Variants in GRM8 observed in about 807,000 individuals in gnomAD.
GRM8 encodes the protein metabotropic glutamate receptor 8.
Under a neutral mutation model 87.2 loss-of-function variants are expected in GRM8, and 47 were observed. The ratio of observed to expected loss-of-function variants is 0.54; its 90% CI spans 0.43 to 0.69. GRM8 has a LOEUF of 0.69. GRM8 is among the 30% of genes least tolerant of loss of function. The pLI, the probability that GRM8 is intolerant of heterozygous loss-of-function variation, is 0.00. For missense variants in GRM8, 1,019 were observed against 1,139.2 expected (o/e 0.89, Z 1.52); for synonymous variants, 396 against 404.5 (o/e 0.98, Z 0.25).
intron 3 of GRM8, among the ~76,000 whole-genome samples, chr7:126,932,867 T>C (rs142154962): frequency 6.6e-6 from 1 of 152,116 alleles, no homozygotes; most frequent in Non-Finnish European, 1.5e-5. Flanking sequence ...AAGAGAGAGA[T>C]AGATGGATTC....
intron 3 of GRM8, among the ~76,000 whole-genome samples, chr7:126,990,675 C>A (rs184587961): frequency 1.2e-3 from 180 of 152,272 alleles, no homozygotes; most frequent in Non-Finnish European, 1.0e-3. Context: ...TGACCTTGGG[C>A]AACTTAATAA....
At chr7:127,078,523 T>C (rs1822524861) in intron 3 of GRM8, among the ~76,000 whole-genome samples, 1 of 152,242 alleles carries the variant, frequency 6.6e-6, no homozygotes, top group South Asian at 2.1e-4. Context: ...TTAGAGAAGG[T>C]ACAAATGTCA....
At chr7:126,885,826 A>C (rs1800439399) in intron 6 of GRM8, among the ~76,000 whole-genome samples, 1 of 152,170 alleles carries the variant, frequency 6.6e-6, no homozygotes, top group South Asian at 2.1e-4. Flanking sequence ...ACTTTCCTGA[A>C]ATAAAAACAG....
intron 8 of GRM8, among the ~76,000 whole-genome samples, chr7:126,590,976 TA>T (rs537329610): frequency 6.6e-6 from 1 of 151,488 alleles, no homozygotes; most frequent in Non-Finnish European, 1.5e-5. Flanking sequence ...ATTTTTTTTT[TA>T]AAAAAAGGTA....
chr7:126,690,202 C>G (rs1010783388), intron 7 of GRM8, among the ~76,000 whole-genome samples: 2 of 152,200 alleles, frequency 1.3e-5, no homozygotes, highest in African/African-American at 2.4e-5. Context: ...CCGCTAGGCT[C>G]ATTATGCCCA....
At chr7:126,583,806 A>G (rs575015625) in intron 8 of GRM8, among the ~76,000 whole-genome samples, 56 of 152,326 alleles carry the variant, frequency 3.7e-4, no homozygotes, top group African/African-American at 1.3e-3. Context: ...CGATTTGGTG[A>G]ACATTGTTGA....
chr7:127,234,489 T>A (rs1797873273), intron 2 of GRM8, among the ~76,000 whole-genome samples: 2 of 152,214 alleles, frequency 1.3e-5, no homozygotes, highest in African/African-American at 2.4e-5. Flanking sequence ...TCCAACCAGG[T>A]GTGTGTCAAA....
Position 126,533,314 on chromosome 7 carries a change from T to C in GRM8, c.2068A>G (p.Ile690Val). 5 of 1,613,794 alleles carry C rather than the reference T, an allele frequency of 3.1e-6. No homozygotes were observed. Among genetic ancestry groups the C allele is most frequent in the Non-Finnish European group, 4.2e-6 (5 of 1,179,894 alleles). The change falls in exon 9 of 11, where the codon ATT (isoleucine) becomes GTT (valine). Residue 690 changes from isoleucine to valine, a missense_variant. Transcript: ENST00000339582. ...ATCACCAGCTGAGATGCTGGACTAA[T>C]GAACTTGGGCGCTGTGACAGATTTC... ...GKKSVTAPKF[I>V]SPASQLVITF... is the part of the protein sequence containing the mutation.
At chr7:126,733,524 G>A (rs11978951) in intron 7 of GRM8, among the ~76,000 whole-genome samples, 48,347 of 149,918 alleles carry the variant, frequency 0.32, 8,782 homozygotes, top group East Asian at 0.45. Flanking sequence ...AATGCAAAAA[G>A]TTCTCAATAA....
At chr7:127,018,414 CTT>C (rs113155218) in intron 3 of GRM8, among the ~76,000 whole-genome samples, 66 of 133,074 alleles carry the variant, frequency 5.0e-4, no homozygotes, top group Non-Finnish European at 5.8e-4. Flanking sequence ...CTTAAAGTGG[CTT>C]TTTTTTTTTT....
intron 2 of GRM8, among the ~76,000 whole-genome samples, chr7:127,114,440 G>A (rs765479855): frequency 1.3e-5 from 2 of 152,184 alleles, no homozygotes; most frequent in African/African-American, 4.8e-5. Flanking sequence ...AAAGGGGCCT[G>A]TGGTTAGTTA....
intron 3 of GRM8, among the ~76,000 whole-genome samples, chr7:127,054,861 C>T (rs1819830467): frequency 6.6e-6 from 1 of 151,452 alleles, no homozygotes. Context: ...CAGAGATAAT[C>T]ATAAGATCAA....
At chr7:126,907,970 C>T (rs1337857968) in intron 3 of GRM8, among the ~76,000 whole-genome samples, 1 of 152,172 alleles carries the variant, frequency 6.6e-6, no homozygotes, top group Non-Finnish European at 1.5e-5. Flanking sequence ...CTAAGTATGA[C>T]TCCAAGGATT....
chr7:126,871,872 A>G (rs1005674180), intron 6 of GRM8, among the ~76,000 whole-genome samples: 13 of 152,342 alleles, frequency 8.5e-5, no homozygotes, highest in African/African-American at 2.9e-4. Flanking sequence ...CTGTTAAATT[A>G]AAAGCAAAGT....
intron 6 of GRM8, among the ~76,000 whole-genome samples, chr7:126,881,921 A>G (rs2130997932): frequency 6.6e-6 from 1 of 152,270 alleles, no homozygotes; most frequent in South Asian, 2.1e-4. Flanking sequence ...ACATGTAATA[A>G]TAAAAGAATG....
intron 3 of GRM8, among the ~76,000 whole-genome samples, chr7:127,024,998 C>T (rs2299525): frequency 0.27 from 41,575 of 151,798 alleles, 6,314 homozygotes; most frequent in African/African-American, 0.41. Context: ...TCTCTGCTTA[C>T]GAGGACATAA....
intron 8 of GRM8, among the ~76,000 whole-genome samples, chr7:126,552,138 G>A (rs773903373): frequency 1.4e-4 from 22 of 152,040 alleles, no homozygotes; most frequent in East Asian, 7.7e-4. Context: ...CAAATGCCTC[G>A]TCCGTTAATT....
chr7:127,064,664 A>C (rs1820932652), intron 3 of GRM8, among the ~76,000 whole-genome samples: 1 of 152,190 alleles, frequency 6.6e-6, no homozygotes, highest in Non-Finnish European at 1.5e-5. Context: ...TAAGGAACTT[A>C]AACAAATTTA....
At chr7:126,835,740 A>G (rs527595932) in intron 6 of GRM8, among the ~76,000 whole-genome samples, 1 of 152,348 alleles carries the variant, frequency 6.6e-6, no homozygotes, top group East Asian at 1.9e-4. Flanking sequence ...GAAAACTAAA[A>G]TTATGTGGAT....
Sources: gnomAD v4.1 joint callset for allele counts (sites outside exome capture counted in the v4.1 genomes callset) on GRCh38, gnomAD v4.1.1 for gene constraint, MANE v1.5 for transcripts, NCBI Gene and HGNC (gene_info 2026-07-23, HGNC 2026-07-21) for gene names.